Variants in NXN observed in about 807,000 individuals in gnomAD.
The protein encoded by NXN is nucleoredoxin.
NXN carries 16 observed loss-of-function variants against 48.6 expected under a neutral mutation model. The ratio of observed to expected loss-of-function variants is 0.33; its 90% CI spans 0.22 to 0.50. NXN has a LOEUF of 0.50. Among genes scored for constraint, NXN ranks in the 20% least tolerant of loss-of-function variants. NXN has a pLI of 0.98. For synonymous variants in NXN, 281 were observed against 269.6 expected, an observed-to-expected ratio of 1.04 and a Z score of -0.41; for missense variants, 492 against 605.5, an observed-to-expected ratio of 0.81 and a Z score of 1.97.
chr17:877,080 G>A (rs961499387), intron 1 of NXN, among the ~76,000 whole-genome samples: 5 of 151,400 alleles, frequency 3.3e-5, no homozygotes, highest in South Asian at 4.2e-4. Flanking sequence ...ACTCTGTCTC[G>A]AAAACAAACA....
At chr17:836,992 T>G (rs1597647480) in intron 1 of NXN, among the ~76,000 whole-genome samples, 1 of 111,132 alleles carries the variant, frequency 9.0e-6, no homozygotes, top group African/African-American at 3.7e-5. Context: ...TATTATTATT[T>G]TCTAGACCCA....
chr17:884,396 C>A (rs1004129310), intron 1 of NXN, among the ~76,000 whole-genome samples: 45 of 150,592 alleles, frequency 3.0e-4, no homozygotes, highest in African/African-American at 9.8e-4. Context: ...CAGGGCGAGA[C>A]CCTGTCTCTA....
At chr17:835,111 A>C (rs372258112) in intron 1 of NXN, among the ~76,000 whole-genome samples, 1 of 151,392 alleles carries the variant, frequency 6.6e-6, no homozygotes, top group Non-Finnish European at 1.5e-5. Context: ...GATCGAGACC[A>C]TCCTGGCTAA....
chr17:823,415 G>A (rs1329714191), intron 3 of NXN, among the ~76,000 whole-genome samples: 1 of 151,798 alleles, frequency 6.6e-6, no homozygotes, highest in Non-Finnish European at 1.5e-5. Context: ...AAAAAAAAGA[G>A]GGCTATCGTT....
chr17:817,222 C>T (rs913558805), intron 5 of NXN, among the ~76,000 whole-genome samples: 1 of 152,126 alleles, frequency 6.6e-6, no homozygotes, highest in Non-Finnish European at 1.5e-5. Context: ...CTTAGCCCCA[C>T]CAAATCCAAA....
At chr17:888,965 A>C (rs1183683503) in intron 1 of NXN, among the ~76,000 whole-genome samples, 1 of 95,804 alleles carries the variant, frequency 1.0e-5, no homozygotes, top group Admixed American at 1.0e-4. Flanking sequence ...TCCATCTCAA[A>C]AAAAAAAAAA....
At chr17:896,958 G>A in intron 1 of NXN, 2 of 1,205,030 alleles carry the variant, frequency 1.7e-6, no homozygotes, top group South Asian at 2.9e-5. Flanking sequence ...TCCTAGGCCT[G>A]TTGCAGTGAC....
chr17:904,529 T>A (rs1229773926), intron 1 of NXN, among the ~76,000 whole-genome samples: 1 of 152,156 alleles, frequency 6.6e-6, no homozygotes, highest in Non-Finnish European at 1.5e-5. Context: ...CTCACCCACA[T>A]GGCAGTATTT....
Position 932,965 on chromosome 17 carries a change from C to T in NXN, c.360+46354G>A, listed in dbSNP as rs1431680296. Among the ~76,000 whole-genome samples, 1 of 151,962 alleles carries T rather than the reference C, an allele frequency of 6.6e-6. No homozygotes were observed. The highest frequency in any genetic ancestry group is 1.5e-5 in the Non-Finnish European group (1 of 67,998). ...GCCCAGCCCAGCCCGTCCTCTTGAACCTGCTCAGTTTCAGTCGTCATGACC... is the reference window on the plus strand; with the variant it reads ...GCCCAGCCCAGCCCGTCCTCTTGAATCTGCTCAGTTTCAGTCGTCATGACC... On this transcript the variant is annotated intron_variant, in intron 1 of 7. Coordinates refer to ENST00000336868, the MANE Select transcript of NXN (RefSeq NM_022463.5). The surrounding 1 kb of genome is among the most constrained non-coding windows in gnomAD (Gnocchi z 4.1).
chr17:832,953 C>T (rs529970584), intron 1 of NXN, among the ~76,000 whole-genome samples: 8 of 152,192 alleles, frequency 5.3e-5, no homozygotes, highest in East Asian at 1.9e-4. Flanking sequence ...TGCAGTGGCG[C>T]GATCTCAGTT....
intron 1 of NXN, chr17:879,873 CT>C (rs1323342982): frequency 1.3e-5 from 2 of 152,196 alleles, no homozygotes; most frequent in African/African-American, 4.8e-5. Flanking sequence ...AGAAACTTCT[CT>C]CACAGGTACG....
chr17:907,442 T>C (rs2068591593), intron 1 of NXN, among the ~76,000 whole-genome samples: 1 of 151,620 alleles, frequency 6.6e-6, no homozygotes, highest in African/African-American at 2.4e-5. Flanking sequence ...CGAGTTCAAG[T>C]GATTCTCCTG....
chr17:918,138 G>A (rs1176001771), intron 1 of NXN, among the ~76,000 whole-genome samples: 3 of 152,096 alleles, frequency 2.0e-5, no homozygotes, highest in Admixed American at 1.3e-4. Flanking sequence ...AAAGAAACAC[G>A]AGAACACTCA....
intron 1 of NXN, among the ~76,000 whole-genome samples, chr17:855,760 TGTAC>T (rs1267673589): frequency 6.6e-6 from 1 of 152,212 alleles, no homozygotes; most frequent in Non-Finnish European, 1.5e-5. Flanking sequence ...AAAGACTCTG[TGTAC>T]CTTGGCAGGA....
At chr17:818,062 C>T (rs1912581736) in intron 5 of NXN, among the ~76,000 whole-genome samples, 1 of 151,916 alleles carries the variant, frequency 6.6e-6, no homozygotes. Context: ...AGTTCGAGAC[C>T]AGCCTGGGCA....
At chr17:900,207 G>T (rs1434677987) in intron 1 of NXN, among the ~76,000 whole-genome samples, 1 of 152,080 alleles carries the variant, frequency 6.6e-6, no homozygotes, top group Non-Finnish European at 1.5e-5. Flanking sequence ...CAGAGGTTGT[G>T]GTGAGCCAAG....
chr17:917,056 G>T lies in NXN; in HGVS notation c.360+62263C>A, dbSNP rs191940782. 1.4e-4 allele frequency among the ~76,000 whole-genome samples: 21 copies of T among 152,236 alleles called. No homozygotes were observed. Among genetic ancestry groups the T allele is most frequent in the African/African-American group, 5.1e-4 (21 of 41,548 alleles). On this transcript the variant is annotated intron_variant, in intron 1 of 7. Coordinates refer to ENST00000336868, the MANE Select transcript of NXN (RefSeq NM_022463.5). The surrounding 1 kb of genome is among the most constrained non-coding windows in gnomAD (Gnocchi z 4.5). ...AGACATTCCCTGTGTGTCCTGTTCTGTTATACATGCTGAAGCTACAAATCA... is the reference window on the plus strand; with the variant it reads ...AGACATTCCCTGTGTGTCCTGTTCTTTTATACATGCTGAAGCTACAAATCA...
chr17:962,796 GC>G (rs1302981748), intron 1 of NXN, among the ~76,000 whole-genome samples: 1 of 152,140 alleles, frequency 6.6e-6, no homozygotes, highest in Non-Finnish European at 1.5e-5. Flanking sequence ...GAGACTGATG[GC>G]CTCAGAGAAT....
intron 5 of NXN, among the ~76,000 whole-genome samples, chr17:813,907 A>G (rs1028195313): frequency 1.3e-5 from 2 of 150,718 alleles, no homozygotes; most frequent in Non-Finnish European, 3.0e-5. Context: ...CAGAGGTTGC[A>G]GTGAGCCAAG....
Sources: allele counts gnomAD v4.1 joint callset (sites outside exome capture counted in the v4.1 genomes callset), GRCh38; gene constraint gnomAD v4.1.1; non-coding constraint Gnocchi (gnomAD v3.1); transcripts MANE v1.5; gene names NCBI Gene and HGNC (gene_info 2026-07-23, HGNC 2026-07-21).